The following DDX10 variants were observed in gnomAD, a reference collection of about 807,000 sequenced individuals.
The protein encoded by DDX10 is DEAD-box helicase 10, also known as probable ATP-dependent RNA helicase DDX10.
Under a neutral mutation model 104.3 loss-of-function variants are expected in DDX10, and 74 were observed. The ratio of observed to expected loss-of-function variants is 0.71; its 90% CI spans 0.59 to 0.86. DDX10 has a LOEUF of 0.86. DDX10 is among the 40% of genes least tolerant of loss of function. The probability of loss-of-function intolerance (pLI) is 0.00; values close to 1 mark genes in which losing one functional copy is unlikely to be tolerated. For missense variants in DDX10, 952 were observed against 1,040.0 expected, an observed-to-expected ratio of 0.92 and a Z score of 1.16; for synonymous variants, 351 against 353.4, an observed-to-expected ratio of 0.99 and a Z score of 0.08.
At chr11:108,914,272 A>T (rs1423935357) in intron 16 of DDX10, among the ~76,000 whole-genome samples, 1 of 152,216 alleles carries the variant, frequency 6.6e-6, no homozygotes, top group African/African-American at 2.4e-5. Flanking sequence ...GGCATAGTAA[A>T]TTGTGGCATT....
chr11:108,819,095 C>T (rs545318930), intron 13 of DDX10, among the ~76,000 whole-genome samples: 1 of 152,272 alleles, frequency 6.6e-6, no homozygotes, highest in East Asian at 1.9e-4. Context: ...TCCTTCCCTT[C>T]TTGTGACTTT....
intron 13 of DDX10, among the ~76,000 whole-genome samples, chr11:108,782,428 A>T (rs1482240412): frequency 2.0e-5 from 3 of 152,096 alleles, no homozygotes; most frequent in Admixed American, 1.3e-4. Context: ...ATCACTTTAG[A>T]GTCTGCGTTC....
intron 13 of DDX10, among the ~76,000 whole-genome samples, chr11:108,802,904 C>G (rs921000138): frequency 6.6e-6 from 1 of 151,616 alleles, no homozygotes; most frequent in Admixed American, 6.6e-5. Flanking sequence ...GGTGTAGATA[C>G]AACTCTTAAG....
intron 13 of DDX10, among the ~76,000 whole-genome samples, chr11:108,826,900 C>A (rs758448585): frequency 6.6e-6 from 1 of 152,176 alleles, no homozygotes; most frequent in Non-Finnish European, 1.5e-5. Context: ...GGGAGTTTCT[C>A]AAATTAGCAA....
chr11:108,847,752 T>C (rs1197677688), intron 15 of DDX10, among the ~76,000 whole-genome samples: 1 of 152,204 alleles, frequency 6.6e-6, no homozygotes, highest in African/African-American at 2.4e-5. Context: ...CAAGTAACAC[T>C]TGCTTAACTG....
chr11:108,671,429 G>T (rs1435296040), intron 1 of DDX10, among the ~76,000 whole-genome samples: 1 of 152,228 alleles, frequency 6.6e-6, no homozygotes, highest in African/African-American at 2.4e-5. Context: ...CTCCCAAAGT[G>T]TTGGGATTAC....
intron 9 of DDX10, among the ~76,000 whole-genome samples, chr11:108,705,885 G>A (rs1373803654): frequency 6.6e-6 from 1 of 152,170 alleles, no homozygotes; most frequent in East Asian, 1.9e-4. Context: ...ACAAATTTCT[G>A]AAGATGCAGC....
chr11:108,820,278 C>G (rs888497238), intron 13 of DDX10, among the ~76,000 whole-genome samples: 1 of 152,158 alleles, frequency 6.6e-6, no homozygotes, highest in African/African-American at 2.4e-5. Flanking sequence ...TGGATTGGCA[C>G]TTGTCATCAG....
At chr11:108,687,393 C>T (rs143271460) in intron 6 of DDX10, among the ~76,000 whole-genome samples, 11 of 152,202 alleles carry the variant, frequency 7.2e-5, no homozygotes, top group Non-Finnish European at 1.2e-4. Flanking sequence ...ACTGCAGCCT[C>T]GAACTCCCTA....
chr11:108,843,863 T>G (rs568183495), intron 15 of DDX10, among the ~76,000 whole-genome samples: 150 of 152,370 alleles, frequency 9.8e-4, no homozygotes, highest in Non-Finnish European at 7.3e-5. Flanking sequence ...AAACATGTCC[T>G]TTCACTTTCT....
intron 16 of DDX10, among the ~76,000 whole-genome samples, chr11:108,899,313 G>T (rs954555279): frequency 6.6e-6 from 1 of 151,586 alleles, no homozygotes; most frequent in East Asian, 2.0e-4. Context: ...ATAATCCTGG[G>T]ATGAAATTTA....
chr11:108,709,176 G>A (rs12801974), intron 10 of DDX10, among the ~76,000 whole-genome samples: 20,946 of 152,164 alleles, frequency 0.14, 1,580 homozygotes, highest in East Asian at 0.25. Flanking sequence ...TGATCTTAGC[G>A]GGAGAGCTTC....
At chr11:108,700,666 A>G (rs2094266465) in intron 9 of DDX10, among the ~76,000 whole-genome samples, 1 of 152,212 alleles carries the variant, frequency 6.6e-6, no homozygotes, top group African/African-American at 2.4e-5. Flanking sequence ...GAAAGTCAGG[A>G]ATCTTAGGTT....
intron 13 of DDX10, among the ~76,000 whole-genome samples, chr11:108,738,571 G>A (rs1473667770): frequency 6.6e-6 from 1 of 152,022 alleles, no homozygotes; most frequent in Non-Finnish European, 1.5e-5. Flanking sequence ...CACCAGCTTA[G>A]CTAACCAGAC....
intron 16 of DDX10, among the ~76,000 whole-genome samples, chr11:108,876,552 A>AT: frequency 6.6e-6 from 1 of 152,322 alleles, no homozygotes; most frequent in Admixed American, 6.5e-5. Flanking sequence ...TGAGACACAT[A>AT]GACCTGGATT....
At chr11:108,799,571 A>G (rs536008333) in intron 13 of DDX10, among the ~76,000 whole-genome samples, 8 of 152,322 alleles carry the variant, frequency 5.3e-5, no homozygotes, top group Non-Finnish European at 8.8e-5. Flanking sequence ...TAGATGTGGA[A>G]GAAGTTAATT....
intron 9 of DDX10, among the ~76,000 whole-genome samples, chr11:108,700,988 A>G (rs1208205828): frequency 6.6e-6 from 1 of 151,960 alleles, no homozygotes. Context: ...TGCAATACGT[A>G]TTAGCCAGCT....
At chr11:108,807,400 G>A (rs570557516) in intron 13 of DDX10, among the ~76,000 whole-genome samples, 6 of 152,086 alleles carry the variant, frequency 3.9e-5, no homozygotes, top group Non-Finnish European at 8.8e-5. Context: ...AGAGAGACTC[G>A]AGGAAGAGAA....
intron 13 of DDX10, among the ~76,000 whole-genome samples, chr11:108,746,750 C>G (rs901813248): frequency 6.6e-6 from 1 of 152,096 alleles, no homozygotes; most frequent in Non-Finnish European, 1.5e-5. Flanking sequence ...AGCCATCTCA[C>G]TAGATAGGAA....
Sources: allele counts gnomAD v4.1 joint callset (sites outside exome capture counted in the v4.1 genomes callset), GRCh38; gene constraint gnomAD v4.1.1; transcripts MANE v1.5; gene names NCBI Gene and HGNC (gene_info 2026-07-23, HGNC 2026-07-21).